The following EPN1 variants were observed in gnomAD, a reference collection of about 807,000 sequenced individuals.
EPN1 encodes epsin-1.
In EPN1, 25 loss-of-function variants were observed where a neutral mutation model predicts 56.9. The observed-to-expected ratio is 0.44, with a 90% CI of 0.32 to 0.61. The LOEUF is 0.61. Among genes scored for constraint, EPN1 ranks in the 20% least tolerant of loss-of-function variants. The pLI, the probability that EPN1 is intolerant of heterozygous loss-of-function variation, is 0.05. For missense variants in EPN1, 785 were observed against 823.7 expected (o/e 0.95, Z 0.58); for synonymous variants, 411 against 361.8 (o/e 1.14, Z -1.54).
intron 1 of EPN1, among the ~76,000 whole-genome samples, chr19:55,675,649 G>C (rs2122149196): frequency 6.6e-6 from 1 of 152,262 alleles, no homozygotes; most frequent in Non-Finnish European, 1.5e-5. Flanking sequence ...GTTTCCTGTG[G>C]GCCTCTGCCT....
chr19:55,686,726 G>A (rs1305263524), intron 3 of EPN1, among the ~76,000 whole-genome samples: 2 of 152,042 alleles, frequency 1.3e-5, no homozygotes, highest in African/African-American at 2.4e-5. Flanking sequence ...GAAGGAAGCC[G>A]GTGTGGCGTG....
Position 55,704,383 on chromosome 19 carries a change from T to G in EPN1, c.*9027T>G, listed in dbSNP as rs1255869131. ...CTTTACAAGGTAAGTAAGGTTAAAATGAGGACATTAGGGTGGGTCCTAATC... is the reference window on the plus strand; with the variant it reads ...CTTTACAAGGTAAGTAAGGTTAAAAGGAGGACATTAGGGTGGGTCCTAATC... On this transcript the variant is annotated 3_prime_UTR_variant, in exon 11 of 11. Coordinates refer to ENST00000270460, the MANE Select transcript of EPN1 (RefSeq NM_001130072.2). The G allele has an allele frequency of 6.6e-6, 1 of 152,204 alleles. No individual in the cohort carries two copies. Among genetic ancestry groups the G allele is most frequent in the East Asian group, 1.9e-4 (1 of 5,184 alleles). The allele number at this position is 152,204 out of a possible 1,614,324, so 9.4% of individuals were successfully genotyped here.
In EPN1 at chr19:55,702,243, G is replaced by C. The variant is rs1183978840; in HGVS notation, c.*6887G>C. On this transcript the variant is annotated 3_prime_UTR_variant, in exon 11 of 11. Coordinates refer to ENST00000270460, the MANE Select transcript of EPN1 (RefSeq NM_001130072.2). ...CCCAAAGTAGTGGGATTGCAGGCGT[G>C]AGCCACCGCGCCGGGCCCCCACCCC... 2 of 152,558 alleles carry C rather than the reference G, an allele frequency of 1.3e-5. No homozygotes were observed. Among genetic ancestry groups the C allele is most frequent in the Non-Finnish European group, 2.9e-5 (2 of 68,370 alleles). 9.5% of individuals were successfully genotyped at this position (152,558 alleles called of 1,614,324 possible). A position where few individuals can be genotyped will look rare whatever the true frequency, so the allele number is the denominator to read the frequency against.
rs751007133 is a variant in EPN1 at position 55,699,207 on chromosome 19, C to T, written c.*3851C>T. ...TATCTCCTAATGCCTTCCCTCCCGCCTCCCCCAGGCCCTTAGTTTGTGCTG... is the reference window on the plus strand; with the variant it reads ...TATCTCCTAATGCCTTCCCTCCCGCTTCCCCCAGGCCCTTAGTTTGTGCTG... On this transcript the variant is annotated 3_prime_UTR_variant, in exon 11 of 11. Coordinates refer to ENST00000270460, the MANE Select transcript of EPN1 (RefSeq NM_001130072.2). The T allele has an allele frequency of 6.6e-6, 1 of 152,216 alleles. No individual in the cohort carries two copies. The highest frequency in any genetic ancestry group is 1.5e-5 in the Non-Finnish European group (1 of 68,064). 9.4% of individuals were successfully genotyped at this position (152,216 alleles called of 1,614,324 possible). A position where few individuals can be genotyped will look rare whatever the true frequency, so the allele number is the denominator to read the frequency against.
chr19:55,703,289 T>C lies in EPN1; in HGVS notation c.*7933T>C, dbSNP rs1243893633. On this transcript the variant is annotated 3_prime_UTR_variant, in exon 11 of 11. Coordinates refer to ENST00000270460, the MANE Select transcript of EPN1 (RefSeq NM_001130072.2). ...CAAGGAGATAGCTGCTGTGTGTGTG[T>C]GTGTTGTGTGTGGTTGGGACAGTCG... The C allele has an allele frequency of 6.6e-6, 1 of 152,152 alleles. No individual in the cohort carries two copies. Among genetic ancestry groups the C allele is most frequent in the African/African-American group, 2.4e-5 (1 of 41,326 alleles). The allele number at this position is 152,152 out of a possible 1,614,324, so 9.4% of individuals were successfully genotyped here. A position where few individuals can be genotyped will look rare whatever the true frequency, so the allele number is the denominator to read the frequency against.
rs375981361 is a variant in EPN1 at position 55,689,883 on chromosome 19, G to A, written c.695G>A (p.Arg232His). 163 of 1,604,612 alleles carry A rather than the reference G, an allele frequency of 1.0e-4. No individual in the cohort carries two copies. The highest frequency in any genetic ancestry group is 4.8e-5 in the Non-Finnish European group (56 of 1,176,020). Residue 232 changes from arginine (R) to histidine (H), a missense_variant, in exon 6 of 11, where the codon CGC (arginine) becomes CAC (histidine). By Grantham distance (29) the Arg-to-His change is conservative. Around this residue, in one of 2 missense-constraint regions of EPN1, gnomAD observed 650 missense variants for 605.0 expected, o/e 1.07. Coordinates refer to ENST00000270460, the MANE Select transcript of EPN1 (RefSeq NM_001130072.2). This position sits in a 1 kb window ranked among gnomAD's most constrained non-coding sequence, Gnocchi z 5.7. The stretch of plus-strand genomic sequence containing the variant: ...CCCCAACAGGAGGAGCGGATCCGTC[G>A]CGGGGATGACCTGCGGCTGCAGATG... ...EEHDKEERIR[R>H]GDDLRLQMAI...
chr19:55,684,506 C>T (rs2122181779), intron 2 of EPN1, among the ~76,000 whole-genome samples: 1 of 152,250 alleles, frequency 6.6e-6, no homozygotes, highest in Admixed American at 6.5e-5. Flanking sequence ...AGTTTGTTTT[C>T]GTATTATAAA....
intron 1 of EPN1, chr19:55,677,263 C>T: frequency 8.9e-7 from 1 of 1,122,932 alleles, no homozygotes; most frequent in East Asian, 2.6e-5. Context: ...GTCTCAGTTT[C>T]CACCCTGTGA....
chr19:55,689,266 C>T lies in EPN1; in HGVS notation c.604-31C>T, dbSNP rs1376145799. 35 of 1,490,830 alleles carry T rather than the reference C, an allele frequency of 2.3e-5. No homozygotes were observed. Among genetic ancestry groups the T allele is most frequent in the Admixed American group, 2.0e-4 (10 of 50,828 alleles). 92.4% of individuals were successfully genotyped at this position (1,490,830 alleles called of 1,614,324 possible). The stretch of plus-strand genomic sequence containing the variant: ...CTCTGACTCTGCCTCTGGCCCCTCC[C>T]GTCATGCCCCTCACACTCTCTCTCC... On this transcript the variant is annotated intron_variant, in intron 4 of 10. Coordinates refer to ENST00000270460, the MANE Select transcript of EPN1 (RefSeq NM_001130072.2). This position sits in a 1 kb window ranked among gnomAD's most constrained non-coding sequence, Gnocchi z 5.7.
intron 2 of EPN1, among the ~76,000 whole-genome samples, chr19:55,683,077 T>C (rs8109983): frequency 0.2 from 30,697 of 150,446 alleles, 4,149 homozygotes; most frequent in African/African-American, 0.38. Flanking sequence ...TTTCTTGAAA[T>C]GGAGTTTCGC....
chr19:55,684,712 A>G (rs1280704413), intron 2 of EPN1, among the ~76,000 whole-genome samples: 1 of 152,216 alleles, frequency 6.6e-6, no homozygotes, highest in Non-Finnish European at 1.5e-5. Flanking sequence ...GAGGTTTTAC[A>G]GTCAGAAATA....
At chr19:55,677,470 T>G (rs560770102) in intron 1 of EPN1, 1 of 784,346 alleles carries the variant, frequency 1.3e-6, no homozygotes, top group South Asian at 1.8e-5. Context: ...AGTATGAGTT[T>G]TGGAGTTCAG....
At chr19:55,675,746 CGTGTCT>C (rs1568560938) in intron 1 of EPN1, among the ~76,000 whole-genome samples, 1 of 152,044 alleles carries the variant, frequency 6.6e-6, no homozygotes, top group Admixed American at 6.5e-5. Context: ...CTCTGTCTGT[CGTGTCT>C]GTGTCTGTCA....
intron 3 of EPN1, among the ~76,000 whole-genome samples, chr19:55,687,624 G>A (rs545997003): frequency 6.6e-6 from 1 of 152,176 alleles, no homozygotes; most frequent in South Asian, 2.1e-4. Context: ...GGCCACAGGG[G>A]TGTGGTCCTC....
rs2122263612 is a variant in EPN1 at position 55,708,163 on chromosome 19, T to TTCTCAGGAGAA, written c.*12811_*12821dup. 6.6e-6 allele frequency: 1 copy of TTCTCAGGAGAA among 152,352 alleles called. No homozygotes were observed. Among genetic ancestry groups the TTCTCAGGAGAA allele is most frequent in the South Asian group, 2.1e-4 (1 of 4,830 alleles). The allele number at this position is 152,352 out of a possible 1,614,324, so 9.4% of individuals were successfully genotyped here. On this transcript the variant is annotated 3_prime_UTR_variant, in exon 11 of 11. Transcript: ENST00000270460. Reference sequence around the variant, plus strand: ...CCAAGAGTAGGTCCACAATTTCTCATTCTCAGGAGAATCTGAGATTATATT... The same window carrying TTCTCAGGAGAA: ...CCAAGAGTAGGTCCACAATTTCTCATTCTCAGGAGAATCTCAGGAGAATCTGAGATTATATT...
At chr19:55,680,854 C>G (rs1985768779) in intron 2 of EPN1, 1 of 152,584 alleles carries the variant, frequency 6.6e-6, no homozygotes, top group Middle Eastern at 3.4e-3. Flanking sequence ...CTCTCCGGAG[C>G]CCTCTGTGCT....
In EPN1 at chr19:55,694,747, G is replaced by A. The variant is rs745697521; in HGVS notation, c.1286G>A (p.Gly429Glu). 6.3e-7 allele frequency: 1 copy of A among 1,581,054 alleles called. No individual in the cohort carries two copies. The highest frequency in any genetic ancestry group is 1.7e-5 in the Admixed American group (1 of 57,284). ...CCAGGAGAGCTGGAGCTGCTGGCAG[G>A]AGAGGTGCCGGCCCGAAGCCCTGGG... ...SSAGELELLA[G>E]EVPARSPGAF... is the part of the protein sequence containing the mutation. The change falls in exon 10 of 11, where the codon GGA becomes GAA. Residue 429 changes from glycine to glutamate, a missense_variant. Physicochemically the swap from Gly to Glu is moderately conservative, Grantham distance 98 (BLOSUM62 -2). Around this residue, in one of 2 missense-constraint regions of EPN1, gnomAD observed 650 missense variants for 605.0 expected, o/e 1.07. Coordinates refer to ENST00000270460, the MANE Select transcript of EPN1 (RefSeq NM_001130072.2). The surrounding 1 kb of genome is among the most constrained non-coding windows in gnomAD (Gnocchi z 4.2).
In EPN1 at chr19:55,694,632, C is replaced by G. The variant is rs1600110722; in HGVS notation, c.1265-94C>G. The G allele has an allele frequency of 7.0e-7, 1 of 1,432,658 alleles. No individual in the cohort carries two copies. The highest frequency in any genetic ancestry group is 9.2e-7 in the Non-Finnish European group (1 of 1,090,382). The allele number at this position is 1,432,658 out of a possible 1,614,324, so 88.7% of individuals were successfully genotyped here. ...TCCCGAGGCCTCTGGGCACCGGGCT[C>G]TTTGAAGCGCCCCCTATGATGGCCT... On this transcript the variant is annotated intron_variant, in intron 9 of 10. Transcript: ENST00000270460. This position sits in a 1 kb window ranked among gnomAD's most constrained non-coding sequence, Gnocchi z 4.2.
chr19:55,703,996 T>TATC lies in EPN1; in HGVS notation c.*8642_*8644dup, dbSNP rs1039645597. The TATC allele has an allele frequency of 1.3e-5, 2 of 152,180 alleles. No homozygotes were observed. Among genetic ancestry groups the TATC allele is most frequent in the African/African-American group, 4.8e-5 (2 of 41,442 alleles). The allele number at this position is 152,180 out of a possible 1,614,324, so 9.4% of individuals were successfully genotyped here. On this transcript the variant is annotated 3_prime_UTR_variant, in exon 11 of 11. Transcript: ENST00000270460. The stretch of plus-strand genomic sequence containing the variant: ...CTTCCTTCTGGGCCAGCGCGCAGAC[T>TATC]ATCAACCGAGGTATTCAGTCCCTCG...
Sources: gnomAD v4.1 joint callset for allele counts (sites outside exome capture counted in the v4.1 genomes callset) on GRCh38, gnomAD v4.1.1 for gene constraint, gnomAD v4.1.1 regional missense constraint, Gnocchi (gnomAD v3.1) non-coding constraint, MANE v1.5 for transcripts, NCBI Gene and HGNC (gene_info 2026-07-23, HGNC 2026-07-21) for gene names.